Variants in OR6B3 observed in about 807,000 individuals in gnomAD.
OR6B3 encodes olfactory receptor family 6 subfamily B member 3.
For missense variants in OR6B3, 315 were observed against 427.4 expected (o/e 0.74, Z 2.32); for synonymous variants, 148 against 187.8 (o/e 0.79, Z 1.73).
chr2:240,050,639 G>C (rs60873450), upstream of OR6B3, among the ~76,000 whole-genome samples: 33,890 of 151,190 alleles, frequency 0.22, 6,844 homozygotes, highest in African/African-American at 0.54. Flanking sequence ...ACTTGAACCC[G>C]GGAGACGGAG....
At chr2:240,051,961 T>C (rs561949439), upstream of OR6B3, among the ~76,000 whole-genome samples, 9 of 152,362 alleles carry the variant, frequency 5.9e-5, no homozygotes, top group South Asian at 1.2e-3. Context: ...ACAGGGCTCT[T>C]TGTTGTAACT....
At chr2:240,045,696 A>T (rs899162007) in exon 2 of OR6B3, 5 of 1,355,848 alleles carry the variant, frequency 3.7e-6, no homozygotes, top group Middle Eastern at 3.7e-4. Context: ...CGGGTGGCAG[A>T]TGGCCACGTA....
chr2:240,047,266 A>C (rs1698204188), upstream of OR6B3, among the ~76,000 whole-genome samples: 1 of 152,224 alleles, frequency 6.6e-6, no homozygotes, highest in Non-Finnish European at 1.5e-5. Flanking sequence ...ATTAATAAGC[A>C]AAAGACTTGG....
chr2:240,050,217 T>C (rs1698238689), upstream of OR6B3, among the ~76,000 whole-genome samples: 1 of 152,150 alleles, frequency 6.6e-6, no homozygotes, highest in Non-Finnish European at 1.5e-5. Context: ...TATGCCAAGA[T>C]GCACGACAAA....
chr2:240,051,054 A>G (rs1698250552), upstream of OR6B3, among the ~76,000 whole-genome samples: 1 of 152,208 alleles, frequency 6.6e-6, no homozygotes, highest in Non-Finnish European at 1.5e-5. Flanking sequence ...ATTAGAAAAA[A>G]TAATAGAATT....
chr2:240,045,545 G>A, exon 2 of OR6B3: 1 of 1,580,440 alleles, frequency 6.3e-7, no homozygotes, highest in East Asian at 2.2e-5. Flanking sequence ...CACAGAAGAA[G>A]TGGTTCAAGA....
rs762455745 is a variant in OR6B3 at position 240,045,626 on chromosome 2, A to G, written c.447T>C (p.Phe149=). 6.4e-6 allele frequency: 9 copies of G among 1,415,628 alleles called. No individual in the cohort carries two copies. In the Admixed American group the frequency reaches 1.6e-4, roughly 25 times the overall value. 87.7% of individuals were successfully genotyped at this position (1,415,628 alleles called of 1,614,324 possible). A position where few individuals can be genotyped will look rare whatever the true frequency, so the allele number is the denominator to read the frequency against. The change falls in exon 2 of 2, where the codon TTT becomes TTC. Residue 149 remains phenylalanine, a synonymous_variant. Transcript: ENST00000641019. ...TCATGGAGATGGTGAAGCCACTCACAAAGGAGAAGCCCACCAGCTGGAGGC... is the reference window on the plus strand; with the variant it reads ...TCATGGAGATGGTGAAGCCACTCACGAAGGAGAAGCCCACCAGCTGGAGGC...
At chr2:240,052,702 C>T in the OR6B3 span, among the ~76,000 whole-genome samples, 3 of 152,254 alleles carry the variant, frequency 2.0e-5, no homozygotes, top group African/African-American at 7.2e-5. The surrounding 1 kb of genome is among the most constrained non-coding windows in gnomAD (Gnocchi z 4.5). Flanking sequence ...TCTGTGGACA[C>T]GACAGGGTAG....
At chr2:240,045,169 T>G (rs1474423375) in exon 2 of OR6B3, 1 of 1,614,210 alleles carries the variant, frequency 6.2e-7, no homozygotes, top group East Asian at 2.2e-5. Context: ...AAGGCTTTTT[T>G]CAAGGCATTC....
the OR6B3 span, among the ~76,000 whole-genome samples, chr2:240,052,999 C>T: frequency 1.3e-5 from 2 of 152,072 alleles, no homozygotes; most frequent in Non-Finnish European, 2.9e-5. This position sits in a 1 kb window ranked among gnomAD's most constrained non-coding sequence, Gnocchi z 4.5. Context: ...GACGGGATTT[C>T]GCCATGTTGG....
chr2:240,053,103 C>T, the OR6B3 span, among the ~76,000 whole-genome samples: 1 of 152,200 alleles, frequency 6.6e-6, no homozygotes, highest in African/African-American at 2.4e-5. The surrounding 1 kb of genome is among the most constrained non-coding windows in gnomAD (Gnocchi z 4.1). Flanking sequence ...GCTTCTTAAA[C>T]ATAAATAGGG....
upstream of OR6B3, among the ~76,000 whole-genome samples, chr2:240,047,271 A>G (rs1268478621): frequency 1.3e-5 from 2 of 152,222 alleles, no homozygotes; most frequent in Non-Finnish European, 2.9e-5. Flanking sequence ...TAAGCAAAAG[A>G]CTTGGAAGCC....
the OR6B3 span, among the ~76,000 whole-genome samples, chr2:240,053,218 T>C: frequency 6.6e-6 from 1 of 152,240 alleles, no homozygotes; most frequent in African/African-American, 2.4e-5. This position sits in a 1 kb window ranked among gnomAD's most constrained non-coding sequence, Gnocchi z 4.1. Context: ...GGATGTCATT[T>C]ATCCTGCACG....
At chr2:240,047,778 A>G (rs777637984), upstream of OR6B3, among the ~76,000 whole-genome samples, 1 of 152,252 alleles carries the variant, frequency 6.6e-6, no homozygotes, top group African/African-American at 2.4e-5. Context: ...CATAGATTAA[A>G]TGACTGAATG....
At chr2:240,049,667 T>C (rs755876860), upstream of OR6B3, among the ~76,000 whole-genome samples, 1 of 152,154 alleles carries the variant, frequency 6.6e-6, no homozygotes, top group Non-Finnish European at 1.5e-5. Context: ...AATGCAAACG[T>C]CTCTCCTTGT....
upstream of OR6B3, among the ~76,000 whole-genome samples, chr2:240,049,694 T>A (rs1388816480): frequency 6.6e-6 from 1 of 152,070 alleles, no homozygotes; most frequent in Non-Finnish European, 1.5e-5. Context: ...AAATAATATA[T>A]AATGAAAAAT....
chr2:240,047,974 TA>T (rs1423789161), upstream of OR6B3, among the ~76,000 whole-genome samples: 35 of 151,988 alleles, frequency 2.3e-4, no homozygotes, highest in African/African-American at 8.4e-4. Context: ...AAACCGAAAA[TA>T]AAGATGAAAT....
chr2:240,047,777 A>G (rs2106527596), upstream of OR6B3, among the ~76,000 whole-genome samples: 1 of 152,378 alleles, frequency 6.6e-6, no homozygotes, highest in Admixed American at 6.5e-5. Flanking sequence ...ACATAGATTA[A>G]ATGACTGAAT....
At chr2:240,049,895 T>C (rs1698234394), upstream of OR6B3, among the ~76,000 whole-genome samples, 1 of 152,190 alleles carries the variant, frequency 6.6e-6, no homozygotes, top group Non-Finnish European at 1.5e-5. Context: ...TCAGATGAGA[T>C]AATCAAAAGG....
Sources: allele counts gnomAD v4.1 joint callset (sites outside exome capture counted in the v4.1 genomes callset), GRCh38; gene constraint gnomAD v4.1.1; non-coding constraint Gnocchi (gnomAD v3.1); transcripts MANE v1.5; gene names NCBI Gene and HGNC (gene_info 2026-07-23, HGNC 2026-07-21).